The following DPF3 variants were observed in gnomAD, a reference collection of about 807,000 sequenced individuals.
The protein encoded by DPF3 is double PHD fingers 3, also known as zinc finger protein DPF3.
Under a neutral mutation model 56.8 loss-of-function variants are expected in DPF3, and 18 were observed. The observed-to-expected ratio is 0.32, with a 90% confidence interval of 0.22 to 0.47. DPF3 has a LOEUF of 0.47. Among genes scored for constraint, DPF3 ranks in the 20% least tolerant of loss-of-function variants. The probability of loss-of-function intolerance (pLI) is 1.00; values close to 1 mark genes in which losing one functional copy is unlikely to be tolerated. For missense variants in DPF3, 403 were observed against 488.8 expected, an observed-to-expected ratio of 0.82 and a Z score of 1.65; for synonymous variants, 188 against 180.2, an observed-to-expected ratio of 1.04 and a Z score of -0.35.
At position 72,670,356 on chromosome 14, in the gene DPF3, A is replaced by G. The variant is rs564811602; in HGVS notation, c.871+3884T>C. The G allele has an allele frequency of 7.0e-5, 69 of 986,408 alleles. No individual in the cohort carries two copies. In the African/African-American group the frequency reaches 1.2e-3, roughly 17 times the overall value. 61.1% of individuals were successfully genotyped at this position (986,408 alleles called of 1,614,324 possible). On this transcript the variant is annotated intron_variant, in intron 8 of 10. Coordinates refer to ENST00000556509, the MANE Select transcript of DPF3 (RefSeq NM_001280542.3). ...CCAGCAATAACAAAACAGCAGCTCTACTGACGGAGGAGGAGGAGCCCAGGA... is the reference window on the plus strand; with the variant it reads ...CCAGCAATAACAAAACAGCAGCTCTGCTGACGGAGGAGGAGGAGCCCAGGA...
intron 1 of DPF3, among the ~76,000 whole-genome samples, chr14:72,806,613 C>T (rs763352181): frequency 7.2e-5 from 11 of 152,268 alleles, no homozygotes; most frequent in East Asian, 1.9e-4. Flanking sequence ...CCGCACTGGG[C>T]GAAAGAACCT....
At chr14:72,635,520 G>A (rs572841907) in intron 8 of DPF3, among the ~76,000 whole-genome samples, 12 of 152,350 alleles carry the variant, frequency 7.9e-5, no homozygotes, top group African/African-American at 2.9e-4. Flanking sequence ...ATTCACAGCT[G>A]CCAATTTCTA....
At chr14:72,719,590 GT>G (rs1207481222) in intron 5 of DPF3, among the ~76,000 whole-genome samples, 1 of 152,124 alleles carries the variant, frequency 6.6e-6, no homozygotes, top group Non-Finnish European at 1.5e-5. Flanking sequence ...TGATTAATTG[GT>G]AATACTCACA....
At chr14:72,763,879 AT>A (rs1028131821) in intron 2 of DPF3, among the ~76,000 whole-genome samples, 2 of 152,258 alleles carry the variant, frequency 1.3e-5, no homozygotes, top group African/African-American at 2.4e-5. Context: ...AACAATCAAA[AT>A]TCAATAATAA....
At chr14:72,833,673 C>A (rs948021918) in intron 1 of DPF3, among the ~76,000 whole-genome samples, 1 of 152,158 alleles carries the variant, frequency 6.6e-6, no homozygotes, top group Non-Finnish European at 1.5e-5. Context: ...ACCCACTAAA[C>A]TCCTCCATCT....
chr14:72,769,990 T>C (rs548250446), intron 2 of DPF3, among the ~76,000 whole-genome samples: 26 of 152,288 alleles, frequency 1.7e-4, no homozygotes, highest in African/African-American at 6.3e-4. Flanking sequence ...ATGTTTTTCT[T>C]TATAGAAGTT....
chr14:72,658,355 A>C (rs1022710913), intron 8 of DPF3, among the ~76,000 whole-genome samples: 3 of 152,192 alleles, frequency 2.0e-5, no homozygotes, highest in Non-Finnish European at 4.4e-5. Context: ...ATTTAAATTA[A>C]AATTCCGGAA....
At chr14:72,726,774 A>T (rs1368954779) in intron 4 of DPF3, among the ~76,000 whole-genome samples, 1 of 152,066 alleles carries the variant, frequency 6.6e-6, no homozygotes, top group African/African-American at 2.4e-5. Flanking sequence ...AAATAAACAC[A>T]TTTTAAAATA....
At chr14:72,702,055 T>C (rs1888187099) in intron 6 of DPF3, among the ~76,000 whole-genome samples, 1 of 152,188 alleles carries the variant, frequency 6.6e-6, no homozygotes, top group Non-Finnish European at 1.5e-5. Flanking sequence ...AAACTGAGTC[T>C]GGGGGAGTTT....
intron 1 of DPF3, among the ~76,000 whole-genome samples, chr14:72,794,382 A>C (rs931669346): frequency 6.6e-6 from 1 of 152,232 alleles, no homozygotes; most frequent in African/African-American, 2.4e-5. Context: ...ACAGATGAGC[A>C]GAAGCAGAAT....
chr14:72,721,568 GATGAGGAACTGT>G (rs1883646900), intron 5 of DPF3, among the ~76,000 whole-genome samples: 1 of 152,160 alleles, frequency 6.6e-6, no homozygotes, highest in Non-Finnish European at 1.5e-5. Flanking sequence ...GTAAAAACTT[GATGAGGAACTGT>G]ATAAGGGAGA....
intron 1 of DPF3, among the ~76,000 whole-genome samples, chr14:72,820,820 C>T (rs1339537441): frequency 2.0e-5 from 3 of 151,938 alleles, no homozygotes; most frequent in Non-Finnish European, 4.4e-5. Flanking sequence ...CATGATGAAA[C>T]TCCATCTCTA....
intron 1 of DPF3, among the ~76,000 whole-genome samples, chr14:72,846,601 G>C (rs1445894274): frequency 6.6e-6 from 1 of 151,908 alleles, no homozygotes; most frequent in Non-Finnish European, 1.5e-5. Flanking sequence ...CTCCCAAAGT[G>C]CTGGGATTAC....
In DPF3 at chr14:72,764,616, G is replaced by A. The variant is rs527736382; in HGVS notation, c.193+7117C>T. Among the ~76,000 whole-genome samples, 13 of 149,040 alleles carry A rather than the reference G, an allele frequency of 8.7e-5. No homozygotes were observed. In the East Asian group the frequency reaches 1.8e-3, roughly 21 times the overall value. ...CCATTCTCCTGCCTCAGCCTCCTGA[G>A]TAGCTGGGACTACAGGCGCCCACCA... On this transcript the variant is annotated intron_variant, in intron 2 of 10. Coordinates refer to ENST00000556509, the MANE Select transcript of DPF3 (RefSeq NM_001280542.3).
intron 1 of DPF3, among the ~76,000 whole-genome samples, chr14:72,816,242 C>A (rs537057613): frequency 6.6e-6 from 1 of 152,356 alleles, no homozygotes; most frequent in South Asian, 2.1e-4. Context: ...TGGGCCTCCC[C>A]ACCTCCCCAC....
intron 9 of DPF3, among the ~76,000 whole-genome samples, chr14:72,622,239 A>G (rs1884494907): frequency 6.6e-6 from 1 of 152,220 alleles, no homozygotes; most frequent in Admixed American, 6.5e-5. Context: ...TTTACTGAGA[A>G]GAAGGCCAAG....
chr14:72,732,869 C>T (rs1889723442), intron 3 of DPF3, among the ~76,000 whole-genome samples: 1 of 150,920 alleles, frequency 6.6e-6, no homozygotes, highest in Non-Finnish European at 1.5e-5. Flanking sequence ...TCTTTCTTTC[C>T]ATTCTCTCTT....
intron 4 of DPF3, among the ~76,000 whole-genome samples, chr14:72,729,129 T>G (rs1339874168): frequency 6.6e-6 from 1 of 151,826 alleles, no homozygotes; most frequent in East Asian, 1.9e-4. Context: ...GCAACTATAA[T>G]CCCAGCTACT....
chr14:72,876,846 G>C (rs1886136879), intron 1 of DPF3, among the ~76,000 whole-genome samples: 2 of 152,230 alleles, frequency 1.3e-5, no homozygotes, highest in South Asian at 4.1e-4. Context: ...GTTTAGCGCA[G>C]CTATTCACCA....
Sources: gnomAD v4.1 joint callset for allele counts (sites outside exome capture counted in the v4.1 genomes callset) on GRCh38, gnomAD v4.1.1 for gene constraint, MANE v1.5 for transcripts, NCBI Gene and HGNC (gene_info 2026-07-23, HGNC 2026-07-21) for gene names.